Variants in CIT observed in about 807,000 individuals in gnomAD.
CIT encodes citron Rho-interacting kinase.
In CIT, 79 loss-of-function variants were observed where a neutral mutation model predicts 272.7. That is an observed-to-expected ratio of 0.29 (90% CI 0.24 to 0.35). CIT has a LOEUF of 0.35. CIT is among the 10% of genes least tolerant of loss of function. CIT has a pLI of 1.00. For synonymous variants in CIT, 948 were observed against 995.6 expected, an observed-to-expected ratio of 0.95 and a Z score of 0.90; for missense variants, 1,909 against 2,618.3, an observed-to-expected ratio of 0.73 and a Z score of 5.91.
At chr12:119,871,483 C>T (rs1950676825) in intron 2 of CIT, among the ~76,000 whole-genome samples, 2 of 152,190 alleles carry the variant, frequency 1.3e-5, no homozygotes, top group Non-Finnish European at 2.9e-5. Context: ...CAAACACATT[C>T]TCTGGTCCTA....
In CIT at chr12:119,712,343, G is replaced by A. The variant is rs1957206930; in HGVS notation, c.4689C>T (p.Val1563=). The A allele has an allele frequency of 8.1e-6, 13 of 1,610,200 alleles. No homozygotes were observed. Among genetic ancestry groups the A allele is most frequent in the Non-Finnish European group, 1.1e-5 (13 of 1,177,936 alleles). ...GAGATTCCATCTTCAGTATGTATGG[G>A]ACATCTAGGAGATTTCAGAGAGCAC... ...SELANTAKAD[V]PYILKMESHP... The change falls in exon 37 of 48, where the codon GTC becomes GTT. Residue 1563 remains valine (V), a synonymous_variant. Transcript: ENST00000392521. This position sits in a 1 kb window ranked among gnomAD's most constrained non-coding sequence, Gnocchi z 5.2.
At chr12:119,737,677 A>G (rs1223005460) in intron 24 of CIT, among the ~76,000 whole-genome samples, 1 of 152,090 alleles carries the variant, frequency 6.6e-6, no homozygotes, top group Non-Finnish European at 1.5e-5. Flanking sequence ...TCACGCCTCT[A>G]ATTATATTTC....
chr12:119,717,414 CTTTTCTTTT>C (rs780126772), intron 32 of CIT, among the ~76,000 whole-genome samples: 33 of 109,432 alleles, frequency 3.0e-4, no homozygotes, highest in Admixed American at 5.1e-4. Flanking sequence ...TTTTTCTTTT[CTTTTCTTTT>C]TTTTTTTTTT....
At position 119,781,362 on chromosome 12, in the gene CIT, CT is replaced by C. The variant is rs1247393105; in HGVS notation, c.1665+1155del. The stretch of plus-strand genomic sequence containing the variant: ...CAACAAAACTCCAAAGACAGTAATT[CT>C]TTTTTTAAAGAGTAATTAATGGATA... On this transcript the variant is annotated intron_variant, in intron 13 of 47. Transcript: ENST00000392521. Among the ~76,000 whole-genome samples, 3 of 152,282 alleles carry C rather than the reference CT, an allele frequency of 2.0e-5. No homozygotes were observed. The East Asian group carries it at 5.8e-4, about 29-fold the overall frequency.
intron 22 of CIT, among the ~76,000 whole-genome samples, chr12:119,755,439 C>T (rs531087786): frequency 1.4e-4 from 21 of 152,212 alleles, no homozygotes; most frequent in Non-Finnish European, 2.9e-4. Context: ...GACCTCAGAC[C>T]GCTGTCTGCT....
intron 10 of CIT, among the ~76,000 whole-genome samples, chr12:119,791,706 G>A (rs1020825721): frequency 2.0e-5 from 3 of 152,182 alleles, no homozygotes; most frequent in Non-Finnish European, 4.4e-5. Context: ...CTTCGAGCAC[G>A]AAGCCAAGTT....
rs186620134 is a variant in CIT, at chr12:119,847,331, C to T, written c.516+2843G>A. Reference sequence around the variant, plus strand: ...GCCTGAGGCTGGGCACAGTGGCTCACGCCTATAACCCCAGCACTTTGGGAG... The same window carrying T: ...GCCTGAGGCTGGGCACAGTGGCTCATGCCTATAACCCCAGCACTTTGGGAG... On this transcript the variant is annotated intron_variant, in intron 5 of 47. Transcript: ENST00000392521. Among the ~76,000 whole-genome samples the T allele has an allele frequency of 4.3e-3, 653 of 152,342 alleles. 6 individuals are homozygous for T. Among genetic ancestry groups the T allele is most frequent in the African/African-American group, 0.015 (626 of 41,586 alleles).
At chr12:119,704,784 C>T (rs1956786743) in intron 40 of CIT, among the ~76,000 whole-genome samples, 1 of 152,214 alleles carries the variant, frequency 6.6e-6, no homozygotes, top group Admixed American at 6.5e-5. Flanking sequence ...CCTGACACCA[C>T]ACACCTTTCC....
At position 119,691,996 on chromosome 12, in the gene CIT, CA is replaced by C. The variant is rs1955977261; in HGVS notation, c.5883-1543del. Among the ~76,000 whole-genome samples, 6 of 152,148 alleles carry C rather than the reference CA, an allele frequency of 3.9e-5. No homozygotes were observed. In the South Asian group the frequency reaches 1.2e-3, roughly 31 times the overall value. On this transcript the variant is annotated intron_variant, in intron 46 of 47. Transcript: ENST00000392521. ...CTAGATATTTTTAGTATTTAAATTA[CA>C]ATGCAATTACATGCTGATTCCAAAA...
chr12:119,864,186 T>C (rs887774671), intron 3 of CIT, among the ~76,000 whole-genome samples: 1 of 152,194 alleles, frequency 6.6e-6, no homozygotes, highest in African/African-American at 2.4e-5. Flanking sequence ...TGTAAATATA[T>C]TGAAGATCTT....
intron 41 of CIT, among the ~76,000 whole-genome samples, chr12:119,704,070 A>G (rs921926755): frequency 2.0e-5 from 3 of 151,904 alleles, no homozygotes; most frequent in South Asian, 2.1e-4. Context: ...GGTTTTTCCT[A>G]TCAGTCAACT....
At chr12:119,751,889 C>T (rs1960312103) in intron 23 of CIT, among the ~76,000 whole-genome samples, 161 bp downstream of exon 23, 1 of 152,200 alleles carries the variant, frequency 6.6e-6, no homozygotes, top group Non-Finnish European at 1.5e-5. Flanking sequence ...TCCAATGAAG[C>T]AGCAGCCTAT....
At chr12:119,822,688 C>T in intron 9 of CIT, 132 bp downstream of exon 9, 1 of 916,092 alleles carries the variant, frequency 1.1e-6, no homozygotes, top group Non-Finnish European at 1.6e-6. Context: ...TTAGCCTTTA[C>T]TACTCCTGTA....
chr12:119,775,098 C>T (rs907286142), intron 16 of CIT, among the ~76,000 whole-genome samples: 3 of 152,004 alleles, frequency 2.0e-5, no homozygotes, highest in African/African-American at 7.3e-5. Context: ...CATGGTGAAA[C>T]CCCGTGTCTA....
chr12:119,802,256 G>A (rs953787606), intron 10 of CIT, among the ~76,000 whole-genome samples: 1 of 152,130 alleles, frequency 6.6e-6, no homozygotes, highest in Non-Finnish European at 1.5e-5. Context: ...ATCAGTCCAA[G>A]ATCTTCTGGG....
chr12:119,763,027 T>C (rs549908878), intron 19 of CIT, among the ~76,000 whole-genome samples: 1 of 152,250 alleles, frequency 6.6e-6, no homozygotes, highest in Admixed American at 6.5e-5. Flanking sequence ...CCCTGGGTGA[T>C]GGAGCAAGAA....
At chr12:119,783,673 G>T in intron 12 of CIT, 1 of 412,470 alleles carries the variant, frequency 2.4e-6, no homozygotes, top group Middle Eastern at 6.6e-4. Flanking sequence ...CAGACTCCAT[G>T]GTACCAGCCG....
chr12:119,710,004 T>C lies in CIT; in HGVS notation c.5071+247A>G, dbSNP rs1006091105. Among the ~76,000 whole-genome samples, 2 of 152,160 alleles carry C rather than the reference T, an allele frequency of 1.3e-5. No homozygotes were observed. The highest frequency in any genetic ancestry group is 4.8e-5 in the African/African-American group (2 of 41,442). On this transcript the variant is annotated intron_variant, in intron 39 of 47. Coordinates refer to ENST00000392521, the MANE Select transcript of CIT (RefSeq NM_001206999.2). This position sits in a 1 kb window ranked among gnomAD's most constrained non-coding sequence, Gnocchi z 5.6. ...TTAGATAGTCTTCGAGGCTTAGCAC[T>C]CTTCACTTGGCCTAACAGTGGGATG...
chr12:119,809,003 G>A (rs1966755153), intron 9 of CIT, among the ~76,000 whole-genome samples: 1 of 152,222 alleles, frequency 6.6e-6, no homozygotes, highest in Non-Finnish European at 1.5e-5. Context: ...AGTTTTGCCA[G>A]TGGGGAATGC....
Sources: gnomAD v4.1 joint callset for allele counts (sites outside exome capture counted in the v4.1 genomes callset) on GRCh38, gnomAD v4.1.1 for gene constraint, Gnocchi (gnomAD v3.1) non-coding constraint, MANE v1.5 for transcripts, NCBI Gene and HGNC (gene_info 2026-07-23, HGNC 2026-07-21) for gene names.